The following ADAM12 variants were observed in gnomAD, a reference collection of about 807,000 sequenced individuals.
The protein encoded by ADAM12 is disintegrin and metalloproteinase domain-containing protein 12.
Under a neutral mutation model 106.4 loss-of-function variants are expected in ADAM12, and 70 were observed. The ratio of observed to expected loss-of-function variants is 0.66; its 90% CI spans 0.54 to 0.80. The LOEUF (loss-of-function observed/expected upper bound fraction) is 0.80, where lower values mean the gene tolerates loss of function less well. Among genes scored for constraint, ADAM12 ranks in the 30% least tolerant of loss-of-function variants. The pLI is 0.00. For synonymous variants in ADAM12, 420 were observed against 433.5 expected, an observed-to-expected ratio of 0.97 and a Z score of 0.39; for missense variants, 1,010 against 1,171.9, an observed-to-expected ratio of 0.86 and a Z score of 2.02.
chr10:126,217,710 C>T (rs1432857431), intron 3 of ADAM12, among the ~76,000 whole-genome samples: 3 of 138,790 alleles, frequency 2.2e-5, no homozygotes, highest in Non-Finnish European at 3.1e-5. Context: ...TGGTGGCTCA[C>T]GCCTGTAATC....
intron 3 of ADAM12, among the ~76,000 whole-genome samples, chr10:126,193,448 T>A (rs774314668): frequency 2.0e-5 from 3 of 152,124 alleles, no homozygotes; most frequent in African/African-American, 4.8e-5. Context: ...CTGCCACTGG[T>A]CAAATACATT....
At chr10:126,100,224 G>C (rs1955635939) in intron 9 of ADAM12, among the ~76,000 whole-genome samples, 1 of 152,110 alleles carries the variant, frequency 6.6e-6, no homozygotes, top group Non-Finnish European at 1.5e-5. Context: ...TTTAAAGAGG[G>C]AACACAAGGT....
chr10:126,049,509 C>T lies in ADAM12; in HGVS notation c.1718+52G>A. ...GAAACCATTTGGAACCAACCCTATG[C>T]AATGTGGGAAGGTCAGAGCAAAGAC... On this transcript the variant is annotated intron_variant, in intron 15 of 22. Coordinates refer to ENST00000448723, the MANE Select transcript of ADAM12 (RefSeq NM_001288973.2). The surrounding 1 kb of genome is among the most constrained non-coding windows in gnomAD (Gnocchi z 4.4). 1 of 1,613,402 alleles carries T rather than the reference C, an allele frequency of 6.2e-7. No homozygotes were observed. The highest frequency in any genetic ancestry group is 8.5e-7 in the Non-Finnish European group (1 of 1,179,348).
At chr10:126,100,432 G>A (rs1000329844) in intron 9 of ADAM12, among the ~76,000 whole-genome samples, 8 of 151,928 alleles carry the variant, frequency 5.3e-5, no homozygotes, top group Admixed American at 1.3e-4. Flanking sequence ...GGCCTGGCGC[G>A]GTGGCTCATG....
chr10:126,088,929 T>C (rs1444905085), intron 11 of ADAM12, among the ~76,000 whole-genome samples: 1 of 152,142 alleles, frequency 6.6e-6, no homozygotes, highest in East Asian at 1.9e-4. Context: ...TGGGTGTAGA[T>C]TGCAGAAGGT....
chr10:126,067,888 A>C (rs1278282), intron 12 of ADAM12, among the ~76,000 whole-genome samples: 41,212 of 152,078 alleles, frequency 0.27, 5,843 homozygotes, highest in Middle Eastern at 0.48. Context: ...TGGATTTATC[A>C]TGAGTTTTAT....
At chr10:126,264,609 G>A (rs987182203) in intron 3 of ADAM12, among the ~76,000 whole-genome samples, 33 of 152,122 alleles carry the variant, frequency 2.2e-4, no homozygotes, top group African/African-American at 7.0e-4. Flanking sequence ...TGTTTTTCTC[G>A]CGGGTCCCTG....
chr10:126,258,678 G>A (rs1462881188), intron 3 of ADAM12, among the ~76,000 whole-genome samples: 3 of 152,074 alleles, frequency 2.0e-5, no homozygotes, highest in African/African-American at 4.8e-5. Flanking sequence ...CATGCCACAA[G>A]CTCCTCACCC....
chr10:126,169,394 C>T (rs1037607856), intron 3 of ADAM12, among the ~76,000 whole-genome samples: 2 of 152,206 alleles, frequency 1.3e-5, no homozygotes, highest in Non-Finnish European at 2.9e-5. Context: ...ATGTTTCCCC[C>T]ATTAGGGCAG....
chr10:126,203,367 A>G (rs1957736300), intron 3 of ADAM12, among the ~76,000 whole-genome samples: 1 of 152,248 alleles, frequency 6.6e-6, no homozygotes, highest in African/African-American at 2.4e-5. Context: ...AGTTGTTACT[A>G]AAATCATATT....
intron 3 of ADAM12, among the ~76,000 whole-genome samples, chr10:126,178,406 ATC>A (rs531762647): frequency 0.021 from 2,541 of 120,748 alleles, 62 homozygotes; most frequent in African/African-American, 0.085. Context: ...ATTGGAGGAC[ATC>A]TTTTTTTTTT....
At chr10:126,084,004 A>G (rs1379862276) in intron 11 of ADAM12, among the ~76,000 whole-genome samples, 3 of 152,226 alleles carry the variant, frequency 2.0e-5, no homozygotes, top group Non-Finnish European at 4.4e-5. Context: ...GCCAGGAGCA[A>G]ATGACCAGAA....
intron 3 of ADAM12, chr10:126,272,781 TC>T: frequency 3.2e-6 from 1 of 309,406 alleles, no homozygotes; most frequent in Non-Finnish European, 6.8e-6. Flanking sequence ...ATGTGCTGCC[TC>T]CAGGGGAGCC....
chr10:126,348,910 C>G (rs1228044537), intron 1 of ADAM12, among the ~76,000 whole-genome samples: 9 of 152,124 alleles, frequency 5.9e-5, no homozygotes, highest in Non-Finnish European at 2.9e-5. Context: ...CGTTGTTTAT[C>G]TGAAATTCAG....
chr10:126,255,099 G>A (rs1958865266), intron 3 of ADAM12, among the ~76,000 whole-genome samples: 1 of 152,166 alleles, frequency 6.6e-6, no homozygotes, highest in Non-Finnish European at 1.5e-5. Context: ...CCTGTCGTGA[G>A]CCCATCTGCT....
At chr10:126,387,152 A>G (rs1020030905) in intron 1 of ADAM12, among the ~76,000 whole-genome samples, 1 of 152,206 alleles carries the variant, frequency 6.6e-6, no homozygotes, top group African/African-American at 2.4e-5. Flanking sequence ...GAAGTCGTTC[A>G]TCGGTGGACC....
intron 21 of ADAM12, among the ~76,000 whole-genome samples, chr10:126,031,366 A>G (rs1252319605): frequency 6.6e-6 from 1 of 152,264 alleles, no homozygotes; most frequent in South Asian, 2.1e-4. Context: ...ACACCCACAC[A>G]GGTCCAGAAG....
intron 1 of ADAM12, among the ~76,000 whole-genome samples, chr10:126,336,257 G>A (rs940759317): frequency 1.3e-5 from 2 of 152,072 alleles, no homozygotes; most frequent in African/African-American, 4.8e-5. Context: ...CTCTAAAATC[G>A]TTCTAAAAAT....
At chr10:126,308,941 G>A (rs1359402127) in intron 2 of ADAM12, among the ~76,000 whole-genome samples, 1 of 152,174 alleles carries the variant, frequency 6.6e-6, no homozygotes, top group Non-Finnish European at 1.5e-5. Flanking sequence ...GTAGAGAGAT[G>A]CATTTATACA....
Sources: gnomAD v4.1 joint callset for allele counts (sites outside exome capture counted in the v4.1 genomes callset) on GRCh38, gnomAD v4.1.1 for gene constraint, Gnocchi (gnomAD v3.1) non-coding constraint, MANE v1.5 for transcripts, NCBI Gene and HGNC (gene_info 2026-07-23, HGNC 2026-07-21) for gene names.